Variants in BLTP3B observed in about 807,000 individuals in gnomAD.
BLTP3B encodes bridge-like lipid transfer protein family member 3B.
the BLTP3B span, chr12:100,103,914 A>G: frequency 1.2e-6 from 2 of 1,601,534 alleles, no homozygotes; most frequent in East Asian, 2.3e-5. Flanking sequence ...AGAACTCACC[A>G]AACAGATGGG....
the BLTP3B span, among the ~76,000 whole-genome samples, chr12:100,064,652 C>A: frequency 1.5e-4 from 23 of 152,154 alleles, no homozygotes; most frequent in African/African-American, 5.3e-4. Context: ...TCAAACAAAA[C>A]AATTATCAGC....
At chr12:100,095,646 C>T in the BLTP3B span, 1 of 1,578,174 alleles carries the variant, frequency 6.3e-7, no homozygotes, top group African/African-American at 1.4e-5. Flanking sequence ...AAGTATTTTT[C>T]CTGTTAACTT....
At chr12:100,063,878 T>G in the BLTP3B span, among the ~76,000 whole-genome samples, 1 of 151,796 alleles carries the variant, frequency 6.6e-6, no homozygotes, top group East Asian at 1.9e-4. Flanking sequence ...CAAGACAAGG[T>G]TCTTTAACAC....
chr12:100,058,518 A>G, the BLTP3B span: 1 of 1,613,474 alleles, frequency 6.2e-7, no homozygotes, highest in African/African-American at 1.3e-5. Context: ...TACACTTCTA[A>G]TTCTATTTAT....
chr12:100,096,750 G>A, the BLTP3B span, among the ~76,000 whole-genome samples: 1 of 152,196 alleles, frequency 6.6e-6, no homozygotes, highest in East Asian at 1.9e-4. Context: ...GAGCCCAGGA[G>A]TTCGAGGCTG....
At chr12:100,124,972 A>ATATATATATATT in the BLTP3B span, among the ~76,000 whole-genome samples, 1 of 86,908 alleles carries the variant, frequency 1.2e-5, no homozygotes, top group South Asian at 3.1e-4. Context: ...ATATATATAT[A>ATATATATATATT]TATATATTTA....
At chr12:100,054,651 C>T in the BLTP3B span, among the ~76,000 whole-genome samples, 1 of 152,120 alleles carries the variant, frequency 6.6e-6, no homozygotes, top group Non-Finnish European at 1.5e-5. Flanking sequence ...TCATGACACA[C>T]ATTAGTACCT....
the BLTP3B span, among the ~76,000 whole-genome samples, chr12:100,141,465 T>G: frequency 2.6e-5 from 4 of 151,242 alleles, no homozygotes; most frequent in Non-Finnish European, 5.9e-5. Flanking sequence ...ACACACACGC[T>G]GCTATACTTT....
At chr12:100,084,506 T>C in the BLTP3B span, 9 of 1,613,532 alleles carry the variant, frequency 5.6e-6, 1 homozygote, top group Admixed American at 1.5e-4. Flanking sequence ...GAGGCATGTG[T>C]TGGGGATTTA....
chr12:100,069,268 C>T, the BLTP3B span, among the ~76,000 whole-genome samples: 3 of 152,084 alleles, frequency 2.0e-5, no homozygotes, highest in Non-Finnish European at 2.9e-5. Context: ...AATCCCACTA[C>T]TTGGTATCCA....
the BLTP3B span, chr12:100,097,465 A>G: frequency 6.2e-7 from 1 of 1,612,994 alleles, no homozygotes; most frequent in East Asian, 2.2e-5. Context: ...ATCTGCCTCT[A>G]TTCTTATCAT....
the BLTP3B span, among the ~76,000 whole-genome samples, chr12:100,099,097 A>G: frequency 6.6e-6 from 1 of 151,392 alleles, no homozygotes; most frequent in African/African-American, 2.4e-5. Context: ...GGTTCCAGCA[A>G]TTCTTCTGCC....
chr12:100,087,433 G>A, the BLTP3B span, among the ~76,000 whole-genome samples: 6 of 152,064 alleles, frequency 3.9e-5, no homozygotes, highest in Non-Finnish European at 5.9e-5. Context: ...AATCCCTTAC[G>A]TAAAACCTTT....
the BLTP3B span, among the ~76,000 whole-genome samples, chr12:100,117,285 C>G: frequency 6.6e-6 from 1 of 152,036 alleles, no homozygotes; most frequent in Non-Finnish European, 1.5e-5. Flanking sequence ...CTACATCAGC[C>G]AGGTTATCAA....
chr12:100,116,003 T>C, the BLTP3B span, among the ~76,000 whole-genome samples: 1 of 151,808 alleles, frequency 6.6e-6, no homozygotes. Flanking sequence ...ATCCCATCTC[T>C]ACTAAAAATA....
the BLTP3B span, chr12:100,102,813 T>C: frequency 6.2e-7 from 1 of 1,609,932 alleles, no homozygotes; most frequent in Non-Finnish European, 8.5e-7. Context: ...TAGGGCTTCT[T>C]GGTTCTTCAC....
chr12:100,072,139 G>T, the BLTP3B span, among the ~76,000 whole-genome samples: 1 of 152,056 alleles, frequency 6.6e-6, no homozygotes, highest in Non-Finnish European at 1.5e-5. Context: ...GTGCATGCCT[G>T]TAATCCCAGC....
At chr12:100,104,456 G>A in the BLTP3B span, among the ~76,000 whole-genome samples, 417 of 151,420 alleles carry the variant, frequency 2.8e-3, 3 homozygotes, top group African/African-American at 9.8e-3. Context: ...CACCCAACTC[G>A]GCCTCTCAAG....
At chr12:100,122,808 T>C in the BLTP3B span, among the ~76,000 whole-genome samples, 20 of 152,130 alleles carry the variant, frequency 1.3e-4, no homozygotes, top group African/African-American at 4.8e-4. Context: ...AACCCCAAAC[T>C]CCCCAAAAGC....
Sources: allele counts gnomAD v4.1 joint callset (sites outside exome capture counted in the v4.1 genomes callset), GRCh38; gene constraint gnomAD v4.1.1; transcripts MANE v1.5; gene names NCBI Gene and HGNC (gene_info 2026-07-23, HGNC 2026-07-21).